The following KLHL12 variants were observed in gnomAD, a reference collection of about 807,000 sequenced individuals.
KLHL12 encodes kelch like family member 12.
A neutral mutation model predicts 60.8 loss-of-function variants in KLHL12; 17 were observed. That is an observed-to-expected ratio of 0.28 (90% CI 0.19 to 0.42). The LOEUF is 0.42. Ranked by LOEUF, KLHL12 falls within the 10% of genes least tolerant of loss-of-function variation. KLHL12 has a pLI of 1.00. For missense variants in KLHL12, 468 were observed against 722.3 expected (o/e 0.65, Z 4.04); for synonymous variants, 220 against 250.9 (o/e 0.88, Z 1.16).
At position 202,893,155 on chromosome 1, in the gene KLHL12, G is replaced by T. The variant is rs1411925006; in HGVS notation, c.1580+84C>A. On this transcript the variant is annotated intron_variant, in intron 11 of 11. Transcript: ENST00000367261. The surrounding 1 kb of genome is among the most constrained non-coding windows in gnomAD (Gnocchi z 4.1). ...AGATGTCTACCCCTACCCAAGTCTT[G>T]TCTCTGTCCAAAAATGAGGATCAGA... The T allele has an allele frequency of 4.4e-6, 5 of 1,135,668 alleles. No homozygotes were observed. Among genetic ancestry groups the T allele is most frequent in the African/African-American group, 3.2e-5 (2 of 62,828 alleles). 70.3% of individuals were successfully genotyped at this position (1,135,668 alleles called of 1,614,324 possible). A position where few individuals can be genotyped will look rare whatever the true frequency, so the allele number is the denominator to read the frequency against.
Position 202,892,605 on chromosome 1 carries a change from G to A in KLHL12, c.1635C>T (p.Asp545=), listed in dbSNP as rs1259214170. 6.2e-7 allele frequency: 1 copy of A among 1,614,128 alleles called. No homozygotes were observed. Among genetic ancestry groups the A allele is most frequent in the South Asian group, 1.1e-5 (1 of 91,084 alleles). The stretch of plus-strand genomic sequence containing the variant: ...CCATGGATGTCACGACTTCCCAGCT[G>A]TCGATGATAGGGTCATAACATTCAA... ...SSIECYDPII[D]SWEVVTSMGT... The change falls in exon 12 of 12, where the codon GAC becomes GAT. Residue 545 remains aspartate (D), a synonymous_variant. Transcript: ENST00000367261.
chr1:202,902,465 C>T (rs1660042352), intron 6 of KLHL12, among the ~76,000 whole-genome samples: 1 of 151,442 alleles, frequency 6.6e-6, no homozygotes, highest in Admixed American at 6.6e-5. Flanking sequence ...AACAAAAAAA[C>T]CTACAAATGT....
chr1:202,922,222 G>C (rs1660714229), intron 2 of KLHL12, among the ~76,000 whole-genome samples: 2 of 151,986 alleles, frequency 1.3e-5, no homozygotes, highest in South Asian at 4.2e-4. Flanking sequence ...TATTTCATCT[G>C]ATTCTCACAG....
intron 6 of KLHL12, among the ~76,000 whole-genome samples, chr1:202,908,380 G>T (rs1475268079): frequency 1.3e-5 from 2 of 152,182 alleles, no homozygotes; most frequent in African/African-American, 4.8e-5. Flanking sequence ...TATGTGCCAA[G>T]AAGTGTTTTA....
intron 6 of KLHL12, among the ~76,000 whole-genome samples, chr1:202,900,602 G>A (rs749733481): frequency 1.6e-4 from 25 of 152,010 alleles, no homozygotes; most frequent in East Asian, 3.9e-4. Flanking sequence ...GGTGGCTCAC[G>A]CCTGTAATCA....
At position 202,907,623 on chromosome 1, in the gene KLHL12, T is replaced by TTA. The variant is rs781610552; in HGVS notation, c.832+1385_832+1386dup. Reference sequence around the variant, plus strand: ...AAAAAAAAAAAAAAAAGGAAAAAAATTATATATATATATATGGGAGGCCTG... The same window carrying TTA: ...AAAAAAAAAAAAAAAAGGAAAAAAATTATATATATATATATATGGGAGGCCTG... On this transcript the variant is annotated intron_variant, in intron 6 of 11. Transcript: ENST00000367261. 4.0e-3 allele frequency among the ~76,000 whole-genome samples: 513 copies of TTA among 128,946 alleles called. 2 individuals carry two copies. In the East Asian group the frequency reaches 0.041, roughly 10 times the overall value. 84.6% of individuals were successfully genotyped at this position (128,946 alleles called of 152,430 possible).
At chr1:202,910,943 G>C (rs1283901508) in intron 5 of KLHL12, 111 bp downstream of exon 5, 4 of 1,236,880 alleles carry the variant, frequency 3.2e-6, no homozygotes, top group Middle Eastern at 2.8e-4. Context: ...CATTCCTAGA[G>C]AGGCAAAACA....
At position 202,895,925 on chromosome 1, in the gene KLHL12, C is replaced by A. The variant is rs910650589; in HGVS notation, c.940-208G>T. Among the ~76,000 whole-genome samples the A allele has an allele frequency of 6.6e-6, 1 of 151,724 alleles. No homozygotes were observed. The highest frequency in any genetic ancestry group is 1.5e-5 in the Non-Finnish European group (1 of 68,036). On this transcript the variant is annotated intron_variant, in intron 7 of 11. Transcript: ENST00000367261. This position sits in a 1 kb window ranked among gnomAD's most constrained non-coding sequence, Gnocchi z 4.2. ...GTTGTGGTGCTCTTAAAGATACAAG[C>A]TTTCTGCATCTCTGCCTCTTTCCAA...
rs202140389 is a variant in KLHL12, at chr1:202,918,183, G to C, written c.555C>G (p.Cys185Trp). 3 of 1,612,198 alleles carry C rather than the reference G, an allele frequency of 1.9e-6. No homozygotes were observed. The African/African-American group carries it at 4.0e-5, about 22-fold the overall frequency. ...SQGEVEKLIK[C>W]DEIQVDSEEP... ...GACAAATCCGTACCTGAATTTCGTC[G>C]CACTTGATTAGCTTTTCCACCTCTC... The change falls in exon 4 of 12, where the codon TGC becomes TGG. Residue 185 changes from cysteine (C) to tryptophan (W), a missense_variant. Coordinates refer to ENST00000367261, the MANE Select transcript of KLHL12 (RefSeq NM_021633.4).
chr1:202,895,841 T>TC lies in KLHL12; in HGVS notation c.940-125dup. On this transcript the variant is annotated intron_variant, in intron 7 of 11. Coordinates refer to ENST00000367261, the MANE Select transcript of KLHL12 (RefSeq NM_021633.4). This position sits in a 1 kb window ranked among gnomAD's most constrained non-coding sequence, Gnocchi z 4.2. ...CTTCTTCACCTGTCATCATGAACCCTCCTTAAGTGGTTCATCCTCAAGTGG... is the reference window on the plus strand; with the variant it reads ...CTTCTTCACCTGTCATCATGAACCCTCCCTTAAGTGGTTCATCCTCAAGTGG... The TC allele has an allele frequency of 1.4e-6, 1 of 700,400 alleles. No homozygotes were observed. The highest frequency in any genetic ancestry group is 2.4e-6 in the Non-Finnish European group (1 of 415,300). 43.4% of individuals were successfully genotyped at this position (700,400 alleles called of 1,614,324 possible).
chr1:202,919,515 T>A (rs923987598), intron 3 of KLHL12, among the ~76,000 whole-genome samples: 7 of 152,148 alleles, frequency 4.6e-5, no homozygotes, highest in East Asian at 1.9e-4. Context: ...ATTTTTTTTT[T>A]AAAACAGAAA....
chr1:202,919,843 T>C lies in KLHL12; in HGVS notation c.261A>G (p.Leu87=), dbSNP rs745747601. 5 of 1,613,870 alleles carry C rather than the reference T, an allele frequency of 3.1e-6. No individual in the cohort carries two copies. Among genetic ancestry groups the C allele is most frequent in the Non-Finnish European group, 4.2e-6 (5 of 1,179,918 alleles). The change falls in exon 3 of 12, where the codon TTA becomes TTG. Residue 87 remains leucine, a synonymous_variant. Transcript: ENST00000367261. ...QGLTASTMEI[L]LDFVYTETVH... is the part of the protein sequence containing the mutation. ...CTGTTTCTGTGTACACAAAGTCCAA[T>C]AAAATTTCCATGGTAGAGGCAGTCA...
chr1:202,922,292 G>C (rs967677224), intron 2 of KLHL12, among the ~76,000 whole-genome samples: 1 of 151,974 alleles, frequency 6.6e-6, no homozygotes, highest in Non-Finnish European at 1.5e-5. Context: ...AGGGGGGCCG[G>C]GCACATGGCT....
At chr1:202,896,596 C>G (rs1659842140) in intron 7 of KLHL12, among the ~76,000 whole-genome samples, 1 of 152,202 alleles carries the variant, frequency 6.6e-6, no homozygotes, top group African/African-American at 2.4e-5. Context: ...ATTATACAGA[C>G]AGCTTAGAAA....
chr1:202,926,207 T>C (rs981742775), intron 1 of KLHL12, among the ~76,000 whole-genome samples: 4 of 152,208 alleles, frequency 2.6e-5, no homozygotes, highest in East Asian at 1.9e-4. Context: ...GCTTAAGATA[T>C]TGAAGCTCTT....
At chr1:202,928,414 C>T, upstream of KLHL12, 2 of 950,010 alleles carry the variant, frequency 2.1e-6, no homozygotes, top group South Asian at 1.4e-5. Context: ...GCTCACTAGG[C>T]AGGGCAGGCA....
intron 4 of KLHL12, among the ~76,000 whole-genome samples, chr1:202,915,405 G>T (rs1660493217): frequency 6.6e-6 from 1 of 151,986 alleles, no homozygotes; most frequent in Non-Finnish European, 1.5e-5. Context: ...CTGGTATAGG[G>T]AACAGAAAAA....
chr1:202,915,039 A>T, intron 4 of KLHL12: 1 of 152,200 alleles, frequency 6.6e-6, no homozygotes, highest in East Asian at 1.9e-4. Context: ...AAAACAGCTA[A>T]CAGGGAAGAA....
At chr1:202,919,706 T>C (rs944708556) in intron 3 of KLHL12, 49 bp downstream of exon 3, 3 of 1,539,826 alleles carry the variant, frequency 1.9e-6, no homozygotes, top group Admixed American at 4.3e-5. Context: ...ATTTTCAACC[T>C]TTCCAGGGCT....
Sources: allele counts gnomAD v4.1 joint callset (sites outside exome capture counted in the v4.1 genomes callset), GRCh38; gene constraint gnomAD v4.1.1; non-coding constraint Gnocchi (gnomAD v3.1); transcripts MANE v1.5; gene names NCBI Gene and HGNC (gene_info 2026-07-23, HGNC 2026-07-21).